The following DDX21 variants were observed in gnomAD, a reference collection of about 807,000 sequenced individuals.
The protein encoded by DDX21 is DExD-box helicase 21.
A neutral mutation model predicts 90.0 loss-of-function variants in DDX21; 18 were observed. The observed-to-expected ratio is 0.20, with a 90% CI of 0.14 to 0.30. DDX21 has a LOEUF of 0.30. DDX21 is among the 10% of genes least tolerant of loss of function. The pLI is 1.00. For missense variants in DDX21, 673 were observed against 944.5 expected (o/e 0.71, Z 3.77); for synonymous variants, 294 against 318.0 (o/e 0.92, Z 0.80).
intron 4 of DDX21, among the ~76,000 whole-genome samples, chr10:68,964,771 A>C (rs1177162176): frequency 6.8e-6 from 1 of 148,122 alleles, no homozygotes; most frequent in Non-Finnish European, 1.5e-5. Flanking sequence ...CTCCCGCCTC[A>C]ACATCCCAAG....
chr10:68,957,921 T>G (rs777752139), intron 1 of DDX21, among the ~76,000 whole-genome samples: 5 of 152,152 alleles, frequency 3.3e-5, no homozygotes, highest in African/African-American at 7.2e-5. Flanking sequence ...TTGTTTTCAG[T>G]AGTATGAAAA....
At position 68,965,495 on chromosome 10, in the gene DDX21, G is replaced by T. The variant is rs1409763306; in HGVS notation, c.904+1G>T. 8 of 1,607,606 alleles carry T rather than the reference G, an allele frequency of 5.0e-6. No individual in the cohort carries two copies. The highest frequency in any genetic ancestry group is 4.5e-5 in the East Asian group (2 of 44,794). ...GGTGGAACTCCCTATGGAGGTCAATGTGAGTACATTCAAAAAGTGAGGGAG... is the reference window on the plus strand; with the variant it reads ...GGTGGAACTCCCTATGGAGGTCAATTTGAGTACATTCAAAAAGTGAGGGAG... On this transcript the variant is annotated splice_donor_variant, in intron 5 of 14. Transcript: ENST00000354185. LOFTEE classifies it high-confidence loss of function.
At chr10:68,977,715 A>C in intron 12 of DDX21, 27 bp downstream of exon 12, 1 of 1,583,254 alleles carries the variant, frequency 6.3e-7, no homozygotes, top group African/African-American at 1.4e-5. Context: ...CATTCCTGAC[A>C]CTTCATAATT....
chr10:68,960,508 C>T (rs756974381), intron 2 of DDX21, among the ~76,000 whole-genome samples: 2 of 152,056 alleles, frequency 1.3e-5, no homozygotes, highest in African/African-American at 2.4e-5. Flanking sequence ...GTCACCTAGG[C>T]TGGAGTACAG....
chr10:68,973,824 C>T (rs1423817595), intron 10 of DDX21, among the ~76,000 whole-genome samples, 160 bp downstream of exon 10: 1 of 152,108 alleles, frequency 6.6e-6, no homozygotes, highest in Non-Finnish European at 1.5e-5. Flanking sequence ...ATAAAAGGCC[C>T]ATTCTGAAGT....
chr10:68,960,323 T>A, intron 2 of DDX21, 74 bp downstream of exon 2: 1 of 1,433,712 alleles, frequency 7.0e-7, no homozygotes, highest in East Asian at 2.3e-5. Context: ...AACTGCTATA[T>A]GTACTCTTTA....
At chr10:68,964,220 T>A in intron 4 of DDX21, 1 of 315,228 alleles carries the variant, frequency 3.2e-6, no homozygotes, top group South Asian at 2.5e-5. Context: ...ACTTGACATT[T>A]AACAAACATT....
chr10:68,957,503 T>G (rs1475643435), intron 1 of DDX21, among the ~76,000 whole-genome samples: 2 of 152,208 alleles, frequency 1.3e-5, no homozygotes, highest in Admixed American at 6.6e-5. Context: ...TCTTTTGATA[T>G]GGAGTTCTTA....
intron 5 of DDX21, among the ~76,000 whole-genome samples, chr10:68,966,568 G>C (rs1057452080): frequency 6.6e-6 from 1 of 151,788 alleles, no homozygotes; most frequent in African/African-American, 2.4e-5. Context: ...TCAGCCTCCC[G>C]AGTAGCTGGG....
Position 68,967,283 on chromosome 10 carries a change from C to T in DDX21, c.1090+80C>T, listed in dbSNP as rs1231900253. 1.4e-5 allele frequency: 19 copies of T among 1,387,574 alleles called. No homozygotes were observed. In the East Asian group the frequency reaches 4.1e-4, roughly 30 times the overall value. The allele number at this position is 1,387,574 out of a possible 1,614,324, so 86.0% of individuals were successfully genotyped here. ...CTGTCTCCTGGGTTCAAGTGACTCT[C>T]ATGCCTCAGCCACCCTAGTAACTGG... On this transcript the variant is annotated intron_variant, in intron 6 of 14. Coordinates refer to ENST00000354185, the MANE Select transcript of DDX21 (RefSeq NM_004728.4).
rs949833106 is a variant in DDX21 at position 68,956,513 on chromosome 10, A to G, written c.87+201A>G. 1.2e-5 allele frequency: 17 copies of G among 1,428,374 alleles called. No individual in the cohort carries two copies. The African/African-American group carries it at 2.3e-4, about 19-fold the overall frequency. 88.5% of individuals were successfully genotyped at this position (1,428,374 alleles called of 1,614,324 possible). On this transcript the variant is annotated intron_variant, in intron 1 of 14. Transcript: ENST00000354185. ...GACGCGTCGTTTGCCCGACCGAGCC[A>G]GGTCCGCCGTGCGCTGACCTCTTCC...
intron 7 of DDX21, among the ~76,000 whole-genome samples, chr10:68,969,690 CATT>C (rs1842994903): frequency 6.6e-6 from 1 of 152,162 alleles, no homozygotes; most frequent in Non-Finnish European, 1.5e-5. Flanking sequence ...AAAATTTAAA[CATT>C]AGAGGGCAGC....
chr10:68,969,059 T>G lies in DDX21; in HGVS notation c.1174T>G (p.Ser392Ala). 1.9e-6 allele frequency: 3 copies of G among 1,614,062 alleles called. No individual in the cohort carries two copies. The highest frequency in any genetic ancestry group is 2.5e-6 in the Non-Finnish European group (3 of 1,180,000). The change falls in exon 7 of 15, where the codon TCT becomes GCT. Residue 392 changes from serine to alanine, a missense_variant. Transcript: ENST00000354185. Reference sequence around the variant, plus strand: ...TAATGTTGCCAAGAAATACATGAAATCTACATATGAACAGGTGGACCTGAT... The same window carrying G: ...TAATGTTGCCAAGAAATACATGAAAGCTACATATGAACAGGTGGACCTGAT... ...VFNVAKKYMK[S>A]TYEQVDLIGK...
intron 2 of DDX21, among the ~76,000 whole-genome samples, chr10:68,961,178 T>G (rs1489147649): frequency 6.6e-6 from 1 of 152,138 alleles, no homozygotes; most frequent in Non-Finnish European, 1.5e-5. Flanking sequence ...CAAGCGATAA[T>G]CCCGCCTAAG....
At position 68,965,505 on chromosome 10, in the gene DDX21, T is replaced by G; in HGVS notation, c.904+11T>G. On this transcript the variant is annotated intron_variant, in intron 5 of 14. Transcript: ENST00000354185. Reference sequence around the variant, plus strand: ...CCTATGGAGGTCAATGTGAGTACATTCAAAAAGTGAGGGAGGTATAATGCC... The same window carrying G: ...CCTATGGAGGTCAATGTGAGTACATGCAAAAAGTGAGGGAGGTATAATGCC... 6.3e-7 allele frequency: 1 copy of G among 1,596,366 alleles called. No homozygotes were observed. Among genetic ancestry groups the G allele is most frequent in the Non-Finnish European group, 8.6e-7 (1 of 1,166,114 alleles).
chr10:68,960,273 G>A, intron 2 of DDX21, 24 bp downstream of exon 2: 1 of 1,563,600 alleles, frequency 6.4e-7, no homozygotes, highest in Non-Finnish European at 8.6e-7. Flanking sequence ...TCATTGGGTA[G>A]AAGATATCTT....
Position 68,974,672 on chromosome 10 carries a change from A to T in DDX21, c.1671A>T (p.Gly557=). The T allele has an allele frequency of 6.2e-7, 1 of 1,613,740 alleles. No individual in the cohort carries two copies. The highest frequency in any genetic ancestry group is 8.5e-7 in the Non-Finnish European group (1 of 1,179,756). ...AACTGTGGTTCATTTTCCTGTAGGG[A>T]ATTAAGTTCAAACGAATAGGTGTTC... ...YQLVQVEQKA[G]IKFKRIGVPS... is the part of the protein sequence containing the mutation. The change falls in exon 11 of 15, where the codon GGA becomes GGT. Residue 557 remains glycine (G), a splice_region_variant and synonymous_variant. Coordinates refer to ENST00000354185, the MANE Select transcript of DDX21 (RefSeq NM_004728.4).
In DDX21 at chr10:68,970,228, C is replaced by G; in HGVS notation, c.1264C>G (p.Gln422Glu). Residue 422 changes from glutamine (Q) to glutamate (E), a missense_variant, in exon 8 of 15, where the codon CAG (glutamine) becomes GAG (glutamate). Gln to Glu is a conservative substitution (Grantham distance 29). Around this residue, in one of 4 missense-constraint regions of DDX21, gnomAD observed 218 missense variants for 347.3 expected, o/e 0.63. Coordinates refer to ENST00000354185, the MANE Select transcript of DDX21 (RefSeq NM_004728.4). ...TCTGGCTATTAAGTGCCACTGGACT[C>G]AGAGGGCAGCAGTTATTGGGGATGT... ...EHLAIKCHWT[Q>E]RAAVIGDVIR... 6.2e-7 allele frequency: 1 copy of G among 1,612,730 alleles called. No individual in the cohort carries two copies. Among genetic ancestry groups the G allele is most frequent in the South Asian group, 1.1e-5 (1 of 90,824 alleles).
At chr10:68,959,102 T>C (rs746984440) in intron 1 of DDX21, among the ~76,000 whole-genome samples, 1 of 152,226 alleles carries the variant, frequency 6.6e-6, no homozygotes, top group East Asian at 1.9e-4. Flanking sequence ...AATCTGTAGA[T>C]ACATTTGCCT....
Sources: allele counts gnomAD v4.1 joint callset (sites outside exome capture counted in the v4.1 genomes callset), GRCh38; gene constraint gnomAD v4.1.1; regional missense constraint gnomAD v4.1.1; transcripts MANE v1.5; gene names NCBI Gene and HGNC (gene_info 2026-07-23, HGNC 2026-07-21).